CPNE8: variants seen among roughly 807,000 people sequenced by gnomAD.
CPNE8 encodes copine 8.
In CPNE8, 45 loss-of-function variants were observed where a neutral mutation model predicts 81.5. The observed-to-expected ratio is 0.55, with a 90% CI of 0.44 to 0.71. The LOEUF (loss-of-function observed/expected upper bound fraction) is 0.71. CPNE8 is among the 30% of genes least tolerant of loss of function. The pLI is 0.00. For missense variants in CPNE8, 594 were observed against 672.1 expected (o/e 0.88, Z 1.28); for synonymous variants, 252 against 226.3 (o/e 1.11, Z -1.02).
chr12:38,821,909 G>A (rs2137008192), intron 6 of CPNE8, among the ~76,000 whole-genome samples: 1 of 152,322 alleles, frequency 6.6e-6, no homozygotes, highest in South Asian at 2.1e-4. Context: ...AACCTCAGAA[G>A]CTTGTGTATA....
intron 2 of CPNE8, among the ~76,000 whole-genome samples, chr12:38,873,962 CT>C (rs200253463): frequency 3.3e-4 from 48 of 146,764 alleles, no homozygotes; most frequent in South Asian, 1.5e-3. Context: ...TCTTTTCTTT[CT>C]TTTTTTTTTA....
At chr12:38,892,126 G>A (rs909970820) in intron 1 of CPNE8, among the ~76,000 whole-genome samples, 1 of 152,168 alleles carries the variant, frequency 6.6e-6, no homozygotes, top group African/African-American at 2.4e-5. Context: ...ACAAATGGGG[G>A]AAAGGCTTCT....
intron 7 of CPNE8, among the ~76,000 whole-genome samples, chr12:38,771,953 A>C (rs747467109): frequency 2.0e-5 from 3 of 152,164 alleles, no homozygotes; most frequent in Non-Finnish European, 4.4e-5. Context: ...AAATTTGATC[A>C]CCAGTGTGAC....
chr12:38,693,694 A>G lies in CPNE8; in HGVS notation c.1106T>C (p.Leu369Pro), dbSNP rs1285188515. Residue 369 changes from leucine (L) to proline (P), a missense_variant, in exon 15 of 20, where the codon CTG becomes CCG. Physicochemically the swap from Leu to Pro is moderately conservative, Grantham distance 98. Coordinates refer to ENST00000331366, the MANE Select transcript of CPNE8 (RefSeq NM_153634.3). ...GTGAGATATCCTTCCATCTGGAGGCAGTTTTGCACCAAATCCTAGAGCTGG... is the reference window on the plus strand; with the variant it reads ...GTGAGATATCCTTCCATCTGGAGGCGGTTTTGCACCAAATCCTAGAGCTGG... ...MFPALGFGAK[L>P]PPDGRISHEF... 6.2e-7 allele frequency: 1 copy of G among 1,611,882 alleles called. No homozygotes were observed. The highest frequency in any genetic ancestry group is 1.3e-5 in the African/African-American group (1 of 74,956).
intron 3 of CPNE8, among the ~76,000 whole-genome samples, chr12:38,867,207 C>T (rs1056627233): frequency 7.9e-5 from 12 of 151,924 alleles, no homozygotes; most frequent in South Asian, 2.1e-4. Context: ...ATGCTGTGCA[C>T]GAGGTTTCAC....
Position 38,724,833 on chromosome 12 carries a change from A to C in CPNE8, c.852+13T>G. 3 of 1,409,328 alleles carry C rather than the reference A, an allele frequency of 2.1e-6. No individual in the cohort carries two copies. Among genetic ancestry groups the C allele is most frequent in the Non-Finnish European group, 3.0e-6 (3 of 1,006,142 alleles). The allele number at this position is 1,409,328 out of a possible 1,614,324, so 87.3% of individuals were successfully genotyped here. A position where few individuals can be genotyped will look rare whatever the true frequency, so the allele number is the denominator to read the frequency against. ...ATTTTAATCTTTAATAAATAACATA[A>C]AATTTGACTTACTGTTCCAGAATTA... On this transcript the variant is annotated intron_variant, in intron 12 of 19. Coordinates refer to ENST00000331366, the MANE Select transcript of CPNE8 (RefSeq NM_153634.3).
At chr12:38,666,491 C>A (rs912650349) in intron 19 of CPNE8, among the ~76,000 whole-genome samples, 1 of 152,010 alleles carries the variant, frequency 6.6e-6, no homozygotes, top group Admixed American at 6.6e-5. Flanking sequence ...CATCCAGGTG[C>A]GGCGAGTGAG....
At chr12:38,781,112 G>T (rs1360963357) in intron 6 of CPNE8, among the ~76,000 whole-genome samples, 2 of 151,968 alleles carry the variant, frequency 1.3e-5, no homozygotes, top group Non-Finnish European at 2.9e-5. Flanking sequence ...CATAAAAAAT[G>T]AGTAAATATG....
chr12:38,895,171 A>G (rs1944373023), intron 1 of CPNE8, among the ~76,000 whole-genome samples: 2 of 152,116 alleles, frequency 1.3e-5, no homozygotes, highest in South Asian at 4.1e-4. Context: ...CACAATTCAT[A>G]TAGCTCAGAA....
At chr12:38,906,538 A>G (rs1000595841), upstream of CPNE8, 13 of 985,672 alleles carry the variant, frequency 1.3e-5, 1 homozygote, top group South Asian at 9.4e-5. Flanking sequence ...TGTCACAACC[A>G]TATAACGCAG....
intron 10 of CPNE8, among the ~76,000 whole-genome samples, chr12:38,756,604 G>T (rs1018825300): frequency 5.9e-5 from 9 of 152,102 alleles, no homozygotes; most frequent in African/African-American, 2.2e-4. Flanking sequence ...ATTCTCTCTA[G>T]ATTGAAAGAG....
chr12:38,879,049 G>A (rs1252592644), intron 1 of CPNE8, among the ~76,000 whole-genome samples: 1 of 152,058 alleles, frequency 6.6e-6, no homozygotes, highest in African/African-American at 2.4e-5. Context: ...TCAAATAATC[G>A]ATAATCATAT....
rs1253922969 is a variant in CPNE8, at chr12:38,884,189, A to C, written c.99-9678T>G. Among the ~76,000 whole-genome samples the C allele has an allele frequency of 2.0e-5, 3 of 152,196 alleles. No individual in the cohort carries two copies. The East Asian group carries it at 5.8e-4, about 29-fold the overall frequency. On this transcript the variant is annotated intron_variant, in intron 1 of 19. Coordinates refer to ENST00000331366, the MANE Select transcript of CPNE8 (RefSeq NM_153634.3). ...AAACACCCTGAACCCATCAAAAATC[A>C]CACCCTATTCCACTTCCCCGAGCCC...
chr12:38,800,325 GCCT>G (rs1240000522), intron 6 of CPNE8, among the ~76,000 whole-genome samples: 1 of 22,400 alleles, frequency 4.5e-5, no homozygotes, highest in African/African-American at 7.6e-5. Context: ...CGGGCAGACT[GCCT>G]CCTCAAGTGG....
At chr12:38,713,241 T>C (rs1940304885) in intron 13 of CPNE8, among the ~76,000 whole-genome samples, 1 of 152,196 alleles carries the variant, frequency 6.6e-6, no homozygotes, top group African/African-American at 2.4e-5. Context: ...ATTGAATTTC[T>C]TATTCAATAA....
At chr12:38,776,596 T>C (rs148080934) in intron 6 of CPNE8, among the ~76,000 whole-genome samples, 19 of 152,080 alleles carry the variant, frequency 1.2e-4, no homozygotes, top group Non-Finnish European at 2.2e-4. Flanking sequence ...AGGCATGAGC[T>C]ACCACACCCG....
intron 3 of CPNE8, among the ~76,000 whole-genome samples, chr12:38,858,999 T>G (rs1469030105): frequency 6.6e-6 from 1 of 152,180 alleles, no homozygotes; most frequent in Non-Finnish European, 1.5e-5. Context: ...ATCATACTCG[T>G]TGGTGAAAAA....
intron 6 of CPNE8, among the ~76,000 whole-genome samples, chr12:38,823,094 T>A (rs937090100): frequency 1.3e-5 from 2 of 152,192 alleles, no homozygotes; most frequent in Admixed American, 6.5e-5. Context: ...GATCTCTAAG[T>A]GCATTCACAG....
intron 11 of CPNE8, among the ~76,000 whole-genome samples, chr12:38,728,474 C>T (rs1371495262): frequency 1.3e-5 from 2 of 152,028 alleles, no homozygotes; most frequent in Non-Finnish European, 2.9e-5. Flanking sequence ...TTCGACGGAA[C>T]ATTTGAGCTG....
Sources: allele counts gnomAD v4.1 joint callset (sites outside exome capture counted in the v4.1 genomes callset), GRCh38; gene constraint gnomAD v4.1.1; transcripts MANE v1.5; gene names NCBI Gene and HGNC (gene_info 2026-07-23, HGNC 2026-07-21).